BCR: variants seen among roughly 807,000 people sequenced by gnomAD.
BCR encodes breakpoint cluster region protein.
A neutral mutation model predicts 138.6 loss-of-function variants in BCR; 58 were observed. The observed-to-expected ratio is 0.42, with a 90% confidence interval of 0.34 to 0.52. The LOEUF is 0.52. Ranked by LOEUF, BCR falls within the 20% of genes least tolerant of loss-of-function variation. The probability of loss-of-function intolerance (pLI) is 0.06; values close to 1 mark genes in which losing one functional copy is unlikely to be tolerated. For synonymous variants in BCR, 786 were observed against 730.1 expected (o/e 1.08, Z -1.23); for missense variants, 1,599 against 1,727.2 (o/e 0.93, Z 1.32).
At chr22:23,280,209 G>A (rs974129823) in intron 8 of BCR, among the ~76,000 whole-genome samples, 3 of 152,202 alleles carry the variant, frequency 2.0e-5, no homozygotes, top group African/African-American at 7.2e-5. Flanking sequence ...TCCTGGGAAG[G>A]CCCTGGATAG....
At chr22:23,303,449 CAG>C (rs1491123657) in intron 16 of BCR, among the ~76,000 whole-genome samples, 1 of 152,176 alleles carries the variant, frequency 6.6e-6, no homozygotes, top group Non-Finnish European at 1.5e-5. Flanking sequence ...TTCACCCATT[CAG>C]GGGGGTCTCT....
intron 1 of BCR, among the ~76,000 whole-genome samples, chr22:23,191,268 C>G (rs1395104365): frequency 1.3e-5 from 2 of 152,226 alleles, no homozygotes; most frequent in African/African-American, 4.8e-5. Flanking sequence ...TTTTCCATCT[C>G]TTTTCTGTTT....
chr22:23,238,846 G>T (rs916609268), intron 1 of BCR, among the ~76,000 whole-genome samples: 1 of 151,858 alleles, frequency 6.6e-6, no homozygotes, highest in Non-Finnish European at 1.5e-5. Context: ...GTTTTTGTGT[G>T]TGTATGTGGC....
chr22:23,264,804 G>A (rs1175160260), intron 4 of BCR: 1 of 153,690 alleles, frequency 6.5e-6, no homozygotes. Context: ...CCTCACGCTT[G>A]ACCAACCTCT....
At chr22:23,268,613 C>G in intron 5 of BCR, 98 bp downstream of exon 5, 1 of 1,026,376 alleles carries the variant, frequency 9.7e-7, no homozygotes, top group South Asian at 1.4e-5. Context: ...AAGATCTGGT[C>G]GTGAACCCCA....
chr22:23,228,768 G>A (rs920470275), intron 1 of BCR, among the ~76,000 whole-genome samples: 1 of 152,046 alleles, frequency 6.6e-6, no homozygotes, highest in Non-Finnish European at 1.5e-5. Context: ...GTTTTTCTCT[G>A]ACTGCTTTCA....
At position 23,287,261 on chromosome 22, in the gene BCR, C is replaced by G; in HGVS notation, c.2509C>G (p.His837Asp). The change falls in exon 11 of 23, where the codon CAC (histidine) becomes GAC (aspartate). Residue 837 changes from histidine (H) to aspartate (D), a missense_variant. His to Asp is a moderately conservative substitution (Grantham distance 81). Transcript: ENST00000305877. ...LMSPSMAFRV[H>D]SRNGKSYTFL... ...GTCTCCCAGCATGGCCTTCAGGGTG[C>G]ACAGCCGCAACGGCAAGGTGAGCGC... is the stretch of plus-strand genomic sequence containing the variant. 1 of 1,552,248 alleles carries G rather than the reference C, an allele frequency of 6.4e-7. No homozygotes were observed. Among genetic ancestry groups the G allele is most frequent in the Non-Finnish European group, 8.7e-7 (1 of 1,147,242 alleles).
At chr22:23,270,182 G>GTTT in intron 5 of BCR, among the ~76,000 whole-genome samples, 1 of 152,252 alleles carries the variant, frequency 6.6e-6, no homozygotes, top group African/African-American at 2.4e-5. Context: ...GTGGGAGTTC[G>GTTT]AAGATCACCC....
In BCR at chr22:23,181,443, C is replaced by T. The variant is rs5751602; in HGVS notation, c.483C>T (p.Ile161=). Residue 161 remains isoleucine (I), a synonymous_variant, in exon 1 of 23, where the codon ATC becomes ATT. Coordinates refer to ENST00000305877, the MANE Select transcript of BCR (RefSeq NM_004327.4). ...VAALRSNFER[I]RKGHGQPGAD... ...CGCTCAGGTCCAACTTCGAGCGGAT[C>T]CGCAAGGGCCATGGCCAGCCCGGGG... is the stretch of plus-strand genomic sequence containing the variant. 3.8e-6 allele frequency: 6 copies of T among 1,594,426 alleles called. No homozygotes were observed. Among genetic ancestry groups the T allele is most frequent in the South Asian group, 1.1e-5 (1 of 90,342 alleles).
chr22:23,188,764 GT>G (rs34270902), intron 1 of BCR, among the ~76,000 whole-genome samples: 6,037 of 150,224 alleles, frequency 0.04, 388 homozygotes, highest in African/African-American at 0.14. Flanking sequence ...GCTCAAGTAG[GT>G]TTTTTTTTTC....
intron 1 of BCR, among the ~76,000 whole-genome samples, chr22:23,241,701 C>T (rs957903892): frequency 1.3e-5 from 2 of 152,156 alleles, no homozygotes; most frequent in African/African-American, 2.4e-5. Context: ...GCTCACTGTG[C>T]GTCAGTGCCC....
intron 4 of BCR, chr22:23,261,958 A>C (rs557262467): frequency 6.1e-6 from 1 of 163,068 alleles, no homozygotes; most frequent in East Asian, 1.9e-4. Flanking sequence ...TATTGATGCC[A>C]AACTTAGTGT....
At chr22:23,287,029 G>C (rs750725617) in intron 10 of BCR, 130 bp from the exon 11 acceptor site, 3 of 1,486,856 alleles carry the variant, frequency 2.0e-6, no homozygotes, top group Non-Finnish European at 2.7e-6. Context: ...GCCCTGGTCT[G>C]TGCTGAGTGG....
intron 1 of BCR, among the ~76,000 whole-genome samples, chr22:23,194,019 G>A (rs2072446836): frequency 6.6e-6 from 1 of 152,232 alleles, no homozygotes; most frequent in Admixed American, 6.5e-5. Context: ...AGGCACGGAG[G>A]TGGTTGTGCT....
intron 1 of BCR, among the ~76,000 whole-genome samples, chr22:23,244,044 C>T (rs1372393195): frequency 6.6e-6 from 1 of 152,174 alleles, no homozygotes; most frequent in Non-Finnish European, 1.5e-5. Flanking sequence ...CAGACTTCCC[C>T]CAGTGCCTTA....
intron 2 of BCR, chr22:23,254,665 C>G: frequency 2.0e-6 from 1 of 507,870 alleles, no homozygotes; most frequent in Non-Finnish European, 4.0e-6. Context: ...TCTTGCTGGT[C>G]CCACAGCTCA....
intron 4 of BCR, among the ~76,000 whole-genome samples, chr22:23,267,484 A>G (rs1284583039): frequency 6.6e-6 from 1 of 152,218 alleles, no homozygotes; most frequent in Non-Finnish European, 1.5e-5. Context: ...GAAACATAAA[A>G]TTCAATATAA....
chr22:23,222,858 T>C (rs753894728), intron 1 of BCR, among the ~76,000 whole-genome samples: 4 of 152,184 alleles, frequency 2.6e-5, no homozygotes, highest in Non-Finnish European at 5.9e-5. Context: ...CTGTTCAGGC[T>C]GCCATAACAA....
chr22:23,219,939 T>A (rs1243773469), intron 1 of BCR, among the ~76,000 whole-genome samples: 1 of 152,224 alleles, frequency 6.6e-6, no homozygotes, highest in Non-Finnish European at 1.5e-5. Flanking sequence ...GTGCACCGCC[T>A]TCTCGCCTCC....
Sources: gnomAD v4.1 joint callset for allele counts (sites outside exome capture counted in the v4.1 genomes callset) on GRCh38, gnomAD v4.1.1 for gene constraint, MANE v1.5 for transcripts, NCBI Gene and HGNC (gene_info 2026-07-23, HGNC 2026-07-21) for gene names.